LPP: variants seen among roughly 807,000 people sequenced by gnomAD.
LPP encodes LIM domain containing preferred translocation partner in lipoma.
Under a neutral mutation model 60.4 loss-of-function variants are expected in LPP, and 38 were observed. The ratio of observed to expected loss-of-function variants is 0.63; its 90% CI spans 0.49 to 0.83. LPP has a LOEUF of 0.83. Among genes scored for constraint, LPP ranks in the 40% least tolerant of loss-of-function variants. The pLI, the probability that LPP is intolerant of heterozygous loss-of-function variation, is 0.00. For synonymous variants in LPP, 328 were observed against 290.8 expected (o/e 1.13, Z -1.30); for missense variants, 902 against 783.6 (o/e 1.15, Z -1.80).
intron 3 of LPP, among the ~76,000 whole-genome samples, chr3:188,381,445 AC>A (rs1776858503): frequency 6.6e-6 from 1 of 152,104 alleles, no homozygotes; most frequent in Non-Finnish European, 1.5e-5. Context: ...TTTTCATGTT[AC>A]TAAAATGGAC....
At chr3:188,725,476 A>G (rs1383762688) in intron 8 of LPP, 1 of 152,242 alleles carries the variant, frequency 6.6e-6, no homozygotes, top group Admixed American at 6.5e-5. Context: ...GTCAAGAGGT[A>G]TTCTAGACAG....
chr3:188,824,723 A>G (rs1056399810), intron 9 of LPP, among the ~76,000 whole-genome samples: 9 of 152,174 alleles, frequency 5.9e-5, no homozygotes, highest in African/African-American at 2.2e-4. Flanking sequence ...CAGATGTGAG[A>G]TCAGCAGACT....
chr3:188,639,048 G>A (rs1370916071), intron 7 of LPP, among the ~76,000 whole-genome samples: 17 of 150,696 alleles, frequency 1.1e-4, no homozygotes, highest in African/African-American at 3.4e-4. Flanking sequence ...AAAAGAGCCC[G>A]CATCACCAAG....
chr3:188,884,938 T>C lies in LPP; in HGVS notation c.*10459T>C, dbSNP rs1770488494. On this transcript the variant is annotated 3_prime_UTR_variant, in exon 12 of 12. Coordinates refer to ENST00000617246, the MANE Select transcript of LPP (RefSeq NM_001375462.1). ...TTTGGCCTTTGCCATTTGATAGACTTTGCTTCCCAGGATGCTGTCATTTTG... is the reference window on the plus strand; with the variant it reads ...TTTGGCCTTTGCCATTTGATAGACTCTGCTTCCCAGGATGCTGTCATTTTG... 4.6e-6 allele frequency: 1 copy of C among 219,280 alleles called. No individual in the cohort carries two copies. Among genetic ancestry groups the C allele is most frequent in the Non-Finnish European group, 9.2e-6 (1 of 109,260 alleles). The allele number at this position is 219,280 out of a possible 1,614,324, so 13.6% of individuals were successfully genotyped here.
intron 2 of LPP, among the ~76,000 whole-genome samples, chr3:188,304,233 C>T (rs1330133086): frequency 2.0e-5 from 3 of 152,178 alleles, no homozygotes; most frequent in African/African-American, 7.2e-5. Context: ...AATTTGCATT[C>T]TCTTGCTGTA....
chr3:188,295,289 T>C (rs1210001585), intron 2 of LPP, among the ~76,000 whole-genome samples: 1 of 152,216 alleles, frequency 6.6e-6, no homozygotes, highest in Non-Finnish European at 1.5e-5. Flanking sequence ...GAGCAGCTCA[T>C]TCCCCATGCA....
intron 2 of LPP, among the ~76,000 whole-genome samples, chr3:188,229,295 G>A (rs745864878): frequency 2.0e-5 from 3 of 152,172 alleles, no homozygotes; most frequent in Non-Finnish European, 2.9e-5. Flanking sequence ...CATACCTGCT[G>A]CTCCAGGCGT....
intron 1 of LPP, among the ~76,000 whole-genome samples, chr3:188,197,244 C>T (rs1160327765): frequency 6.6e-6 from 1 of 152,046 alleles, no homozygotes; most frequent in Non-Finnish European, 1.5e-5. Context: ...GAGGAGACCC[C>T]TATAGTCATG....
chr3:188,768,602 C>G (rs1734876889), intron 9 of LPP, among the ~76,000 whole-genome samples: 1 of 152,008 alleles, frequency 6.6e-6, no homozygotes, highest in Non-Finnish European at 1.5e-5. Context: ...AAAACAATGG[C>G]AATGCAAAAT....
At chr3:188,314,915 G>GA (rs1167616402) in intron 2 of LPP, among the ~76,000 whole-genome samples, 1 of 152,076 alleles carries the variant, frequency 6.6e-6, no homozygotes, top group Non-Finnish European at 1.5e-5. Context: ...AAATATGGTA[G>GA]AATTCCCTTG....
chr3:188,406,455 C>T (rs187435205), intron 4 of LPP, 142 bp downstream of exon 4: 1 of 755,530 alleles, frequency 1.3e-6, no homozygotes, highest in South Asian at 1.9e-5. Flanking sequence ...AGTAAAGGAG[C>T]CCCCGGAAAT....
In LPP at chr3:188,881,139, C is replaced by CTAAAAAAAAAAAAAAAAAAA. The variant is rs1769950263; in HGVS notation, c.*6660_*6661insTAAAAAAAAAAAAAAAAAAA. On this transcript the variant is annotated 3_prime_UTR_variant, in exon 12 of 12. Transcript: ENST00000617246. Reference sequence around the variant, plus strand: ...TGGGCGAAAGAGCGAGACTCCGTCTCAAAAAAAAAAAAAAAAAAATAGGAT... The same window carrying CTAAAAAAAAAAAAAAAAAAA: ...TGGGCGAAAGAGCGAGACTCCGTCTCTAAAAAAAAAAAAAAAAAAAAAAAAAAAAAAAAAAAAAATAGGAT... 1 of 72,388 alleles carries CTAAAAAAAAAAAAAAAAAAA rather than the reference C, an allele frequency of 1.4e-5. No individual in the cohort carries two copies. The highest frequency in any genetic ancestry group is 3.1e-5 in the Non-Finnish European group (1 of 32,568). 4.5% of individuals were successfully genotyped at this position (72,388 alleles called of 1,614,324 possible). A position where few individuals can be genotyped will look rare whatever the true frequency, so the allele number is the denominator to read the frequency against.
At chr3:188,600,288 T>C (rs1840871049) in intron 6 of LPP, among the ~76,000 whole-genome samples, 1 of 149,394 alleles carries the variant, frequency 6.7e-6, no homozygotes, top group Non-Finnish European at 1.5e-5. Flanking sequence ...AATATATATT[T>C]CTTCCTTTGA....
chr3:188,239,660 A>C (rs1458058743), intron 2 of LPP, among the ~76,000 whole-genome samples: 1 of 152,196 alleles, frequency 6.6e-6, no homozygotes, highest in Admixed American at 6.5e-5. Context: ...TGTTCAAAGA[A>C]AGGCATTATG....
intron 7 of LPP, among the ~76,000 whole-genome samples, chr3:188,649,667 A>G (rs1266921935): frequency 1.3e-5 from 2 of 151,812 alleles, no homozygotes; most frequent in African/African-American, 4.8e-5. Flanking sequence ...TTTTTTTATT[A>G]TTATATAAAG....
intron 3 of LPP, among the ~76,000 whole-genome samples, chr3:188,342,831 A>T (rs1342356580): frequency 2.0e-5 from 3 of 152,158 alleles, no homozygotes; most frequent in Admixed American, 2.0e-4. Flanking sequence ...CGTGCAGACA[A>T]GGTAGGTTAT....
At chr3:188,747,259 G>A (rs939052382) in intron 8 of LPP, among the ~76,000 whole-genome samples, 36 of 152,098 alleles carry the variant, frequency 2.4e-4, no homozygotes, top group Non-Finnish European at 8.8e-5. Context: ...GCTCTTACAG[G>A]TAGAAATATG....
intron 8 of LPP, among the ~76,000 whole-genome samples, chr3:188,724,613 AT>A (rs145817054): frequency 6.6e-6 from 1 of 151,928 alleles, no homozygotes; most frequent in African/African-American, 2.4e-5. Flanking sequence ...TCTGACCGTA[AT>A]TTTTTTTGTT....
rs1769462030 is a variant in LPP, at chr3:188,878,100, A to T, written c.*3621A>T. 4.5e-6 allele frequency: 1 copy of T among 221,100 alleles called. No homozygotes were observed. Among genetic ancestry groups the T allele is most frequent in the Non-Finnish European group, 9.1e-6 (1 of 110,226 alleles). 13.7% of individuals were successfully genotyped at this position (221,100 alleles called of 1,614,324 possible). ...TGGGGCTATAGTAGAGAGTTAGTGG[A>T]ATATAGACAGGACTCTGAAAACACA... On this transcript the variant is annotated 3_prime_UTR_variant, in exon 12 of 12. Transcript: ENST00000617246.
Sources: gnomAD v4.1 joint callset for allele counts (sites outside exome capture counted in the v4.1 genomes callset) on GRCh38, gnomAD v4.1.1 for gene constraint, MANE v1.5 for transcripts, NCBI Gene and HGNC (gene_info 2026-07-23, HGNC 2026-07-21) for gene names.